Variants in SYN2 observed in about 807,000 individuals in gnomAD.
SYN2 encodes synapsin II.
Under a neutral mutation model 50.9 loss-of-function variants are expected in SYN2, and 19 were observed. The observed-to-expected ratio is 0.37, with a 90% CI of 0.26 to 0.55. SYN2 has a LOEUF of 0.55. SYN2 is among the 20% of genes least tolerant of loss of function. The probability of loss-of-function intolerance (pLI) is 0.81; values close to 1 mark genes in which losing one functional copy is unlikely to be tolerated. For synonymous variants in SYN2, 255 were observed against 224.9 expected (o/e 1.13, Z -1.20); for missense variants, 587 against 576.4 (o/e 1.02, Z -0.19).
At chr3:12,189,011 A>G (rs922112992) in intron 12 of SYN2, among the ~76,000 whole-genome samples, 27 of 152,220 alleles carry the variant, frequency 1.8e-4, no homozygotes, top group African/African-American at 6.3e-4. Flanking sequence ...CCACTCCCAG[A>G]GGCCAGCGTG....
At chr3:12,183,132 C>T (rs1355201705) in intron 10 of SYN2, among the ~76,000 whole-genome samples, 180 bp from the exon 11 acceptor site, 4 of 152,196 alleles carry the variant, frequency 2.6e-5, no homozygotes, top group African/African-American at 7.2e-5. Flanking sequence ...CAACAACACC[C>T]GAGGCTGAGG....
intron 5 of SYN2, chr3:12,156,854 T>C (rs533386083): frequency 1.9e-6 from 3 of 1,614,226 alleles, no homozygotes; most frequent in South Asian, 2.2e-5. Flanking sequence ...TGTTGGCTTC[T>C]AGTTTCACAC....
chr3:12,190,614 T>C lies in SYN2; in HGVS notation c.1738T>C (p.Phe580Leu). 5 of 1,612,954 alleles carry C rather than the reference T, an allele frequency of 3.1e-6. No individual in the cohort carries two copies. The highest frequency in any genetic ancestry group is 4.2e-6 in the Non-Finnish European group (5 of 1,179,550). The change falls in exon 13 of 13, where the codon TTT (phenylalanine) becomes CTT (leucine). Residue 580 changes from phenylalanine to leucine, a missense_variant. Physicochemically the swap from Phe to Leu is conservative, Grantham distance 22 (BLOSUM62 0). Coordinates refer to ENST00000621198, the MANE Select transcript of SYN2 (RefSeq NM_133625.6). ...RSLRKSFASL[F>L]SD ...CTTGAGGAAGTCCTTTGCCAGCCTC[T>C]TTTCAGATTAGCTCTTCAGACACAC... is the stretch of plus-strand genomic sequence containing the variant.
At chr3:12,081,613 G>C (rs190175720) in intron 1 of SYN2, among the ~76,000 whole-genome samples, 1 of 152,166 alleles carries the variant, frequency 6.6e-6, no homozygotes, top group Non-Finnish European at 1.5e-5. Context: ...GGAAACTTCT[G>C]TAAGTGAACT....
intron 1 of SYN2, among the ~76,000 whole-genome samples, chr3:12,074,072 C>T (rs531455611): frequency 2.0e-5 from 3 of 152,190 alleles, no homozygotes; most frequent in African/African-American, 7.2e-5. Context: ...TGCTAGATTA[C>T]TCCTGTTAAT....
chr3:12,189,482 G>C (rs1404393471), intron 12 of SYN2, among the ~76,000 whole-genome samples: 2 of 152,202 alleles, frequency 1.3e-5, no homozygotes, highest in Non-Finnish European at 2.9e-5. Context: ...CTTCTGAGGA[G>C]GGTTACAAGG....
At chr3:12,068,114 G>A (rs1013840530) in intron 1 of SYN2, among the ~76,000 whole-genome samples, 1 of 152,128 alleles carries the variant, frequency 6.6e-6, no homozygotes, top group African/African-American at 2.4e-5. Context: ...TGTAATAAGT[G>A]TATTTGATAT....
At chr3:12,118,379 A>G (rs1203442533) in intron 1 of SYN2, among the ~76,000 whole-genome samples, 1 of 152,214 alleles carries the variant, frequency 6.6e-6, no homozygotes, top group Non-Finnish European at 1.5e-5. Flanking sequence ...CCTGGGTAAC[A>G]TAGCGAGACC....
intron 1 of SYN2, among the ~76,000 whole-genome samples, chr3:12,035,637 G>A (rs1234964650): frequency 3.3e-5 from 5 of 152,182 alleles, no homozygotes; most frequent in African/African-American, 4.8e-5. Flanking sequence ...AAAAGGTGGG[G>A]CATCTCAAGA....
At chr3:12,142,727 T>C (rs972478675) in intron 3 of SYN2, among the ~76,000 whole-genome samples, 1 of 152,058 alleles carries the variant, frequency 6.6e-6, no homozygotes, top group Non-Finnish European at 1.5e-5. Flanking sequence ...TTTCAACAAG[T>C]GTTATTCTTC....
intron 1 of SYN2, among the ~76,000 whole-genome samples, chr3:12,122,207 G>A (rs1325707683): frequency 6.6e-6 from 1 of 152,142 alleles, no homozygotes; most frequent in Non-Finnish European, 1.5e-5. Flanking sequence ...ATTGGAGTAT[G>A]CTTTTGAACT....
intron 1 of SYN2, among the ~76,000 whole-genome samples, chr3:12,096,401 C>T (rs1695935002): frequency 6.6e-6 from 1 of 152,022 alleles, no homozygotes; most frequent in African/African-American, 2.4e-5. Flanking sequence ...AGAAGAGAAC[C>T]CAGGTGTTCT....
chr3:12,165,360 A>G (rs1451784675), intron 7 of SYN2: 5 of 152,338 alleles, frequency 3.3e-5, no homozygotes, highest in African/African-American at 4.8e-5. Flanking sequence ...AAGTCATTCA[A>G]AATTTGTGAT....
intron 4 of SYN2, among the ~76,000 whole-genome samples, chr3:12,146,274 C>G (rs1697149165): frequency 6.6e-6 from 1 of 152,216 alleles, no homozygotes; most frequent in Non-Finnish European, 1.5e-5. Flanking sequence ...AATAGTCCAA[C>G]TCAGGTAGTG....
rs113238637 is a variant in SYN2 at position 12,007,608 on chromosome 3, T to A, written c.377+2680T>A. Among the ~76,000 whole-genome samples the A allele has an allele frequency of 3.9e-3, 588 of 152,352 alleles. 2 individuals are homozygous for A. The highest frequency in any genetic ancestry group is 7.0e-3 in the Admixed American group (107 of 15,300). ...TCGTATATGCCCTATATTATTTTTC[T>A]GGTGCTGGAATAGGAAGTCAGAGTG... On this transcript the variant is annotated intron_variant, in intron 1 of 12. Coordinates refer to ENST00000621198, the MANE Select transcript of SYN2 (RefSeq NM_133625.6).
chr3:12,111,837 G>C (rs1431142160), intron 1 of SYN2, among the ~76,000 whole-genome samples: 1 of 152,160 alleles, frequency 6.6e-6, no homozygotes, highest in Non-Finnish European at 1.5e-5. Flanking sequence ...TGACAAATTA[G>C]AGAATCCTTG....
chr3:12,078,292 G>A (rs1695514423), intron 1 of SYN2, among the ~76,000 whole-genome samples: 1 of 152,088 alleles, frequency 6.6e-6, no homozygotes, highest in Non-Finnish European at 1.5e-5. Flanking sequence ...ATAGTTTTTT[G>A]CTGTGCAGAA....
intron 1 of SYN2, among the ~76,000 whole-genome samples, chr3:12,119,685 C>A (rs1696509605): frequency 6.6e-6 from 1 of 152,184 alleles, no homozygotes; most frequent in Non-Finnish European, 1.5e-5. Context: ...TTTTAGTCAC[C>A]TTTCAGGTTG....
At chr3:12,030,542 G>A (rs990591669) in intron 1 of SYN2, among the ~76,000 whole-genome samples, 3 of 151,482 alleles carry the variant, frequency 2.0e-5, no homozygotes, top group African/African-American at 7.3e-5. Flanking sequence ...ATTGATTATT[G>A]CCACAATTTC....
Sources: gnomAD v4.1 joint callset for allele counts (sites outside exome capture counted in the v4.1 genomes callset) on GRCh38, gnomAD v4.1.1 for gene constraint, MANE v1.5 for transcripts, NCBI Gene and HGNC (gene_info 2026-07-23, HGNC 2026-07-21) for gene names.